The following CHST15 variants were observed in gnomAD, a reference collection of about 807,000 sequenced individuals.
The protein encoded by CHST15 is B cell RAG associated protein (GALNAC4S-6ST).
A neutral mutation model predicts 53.6 loss-of-function variants in CHST15; 30 were observed. That is an observed-to-expected ratio of 0.56 (90% CI 0.42 to 0.76). The LOEUF (loss-of-function observed/expected upper bound fraction) is 0.76, where lower values mean the gene tolerates loss of function less well. Ranked by LOEUF, CHST15 falls within the 30% of genes least tolerant of loss-of-function variation. The pLI is 0.00. For missense variants in CHST15, 627 were observed against 740.5 expected (o/e 0.85, Z 1.78); for synonymous variants, 296 against 289.8 (o/e 1.02, Z -0.22).
intron 1 of CHST15, among the ~76,000 whole-genome samples, chr10:124,053,234 T>C (rs1470528693): frequency 2.0e-5 from 3 of 152,216 alleles, no homozygotes. Context: ...GAGTGACGTA[T>C]TTCTCCACCC....
chr10:124,058,460 G>C (rs1361073297), intron 1 of CHST15, among the ~76,000 whole-genome samples: 1 of 152,236 alleles, frequency 6.6e-6, no homozygotes, highest in African/African-American at 2.4e-5. Flanking sequence ...ATAACCCTGA[G>C]TCACAGGACT....
rs773779918 is a variant in CHST15, at chr10:124,021,239, G to T, written c.1347+17C>A. 6.2e-6 allele frequency: 9 copies of T among 1,441,678 alleles called. No homozygotes were observed. The highest frequency in any genetic ancestry group is 2.6e-5 in the South Asian group (2 of 77,422). 89.3% of individuals were successfully genotyped at this position (1,441,678 alleles called of 1,614,324 possible). On this transcript the variant is annotated intron_variant, in intron 6 of 7. Transcript: ENST00000435907. ...CCAGGGGCCAGCTCGGGGGGTACGG[G>T]GGGGGGGGGTACACACAGGCATGGC...
At chr10:124,028,289 CATT>C (rs1213004180) in intron 5 of CHST15, among the ~76,000 whole-genome samples, 8 of 152,178 alleles carry the variant, frequency 5.3e-5, no homozygotes, top group African/African-American at 1.9e-4. Context: ...CGCAATAGCT[CATT>C]AGAGTTTGAT....
chr10:124,009,183 T>C lies in CHST15; in HGVS notation c.*966A>G, dbSNP rs932738181. 3.7e-4 allele frequency: 432 copies of C among 1,173,890 alleles called. 2 individuals carry two copies. Among genetic ancestry groups the C allele is most frequent in the Non-Finnish European group, 9.0e-5 (83 of 926,916 alleles). The allele number at this position is 1,173,890 out of a possible 1,614,324, so 72.7% of individuals were successfully genotyped here. ...AAAATCCTCTGTTTCTCTGATGATC[T>C]TGTAAACCTGATGAGGGCTTGAATT... On this transcript the variant is annotated 3_prime_UTR_variant, in exon 8 of 8. Coordinates refer to ENST00000435907, the MANE Select transcript of CHST15 (RefSeq NM_001270764.2).
chr10:124,083,577 TCTC>T (rs2134228103), intron 1 of CHST15, among the ~76,000 whole-genome samples: 1 of 152,248 alleles, frequency 6.6e-6, no homozygotes, highest in Non-Finnish European at 1.5e-5. Context: ...CTTCTGTACA[TCTC>T]CTCATATCTA....
chr10:124,018,293 CGAT>C (rs1214002375), intron 6 of CHST15, among the ~76,000 whole-genome samples: 5 of 152,128 alleles, frequency 3.3e-5, no homozygotes, highest in African/African-American at 1.2e-4. Flanking sequence ...AGTCTCCTGA[CGAT>C]GTCACACATT....
chr10:124,053,294 T>C (rs1948265734), intron 1 of CHST15, among the ~76,000 whole-genome samples: 1 of 152,134 alleles, frequency 6.6e-6, no homozygotes, highest in African/African-American at 2.4e-5. Flanking sequence ...GAGGCAGAAG[T>C]GGGCTTAAAG....
At chr10:124,076,631 G>A (rs1302472504) in intron 1 of CHST15, among the ~76,000 whole-genome samples, 1 of 152,160 alleles carries the variant, frequency 6.6e-6, no homozygotes, top group African/African-American at 2.4e-5. Context: ...TGGACCCATG[G>A]TCAATCACAC....
At chr10:124,014,771 G>T (rs1946534863) in intron 6 of CHST15, among the ~76,000 whole-genome samples, 1 of 152,162 alleles carries the variant, frequency 6.6e-6, no homozygotes, top group Non-Finnish European at 1.5e-5. Context: ...GCAGGCTGGG[G>T]TGTTTTAGAG....
intron 4 of CHST15, 138 bp downstream of exon 4, chr10:124,042,163 G>T: frequency 2.8e-6 from 2 of 723,562 alleles, no homozygotes; most frequent in Non-Finnish European, 2.3e-6. Context: ...CAGCCAGGTG[G>T]AGAAGTGGAG....
At chr10:124,050,689 A>G (rs1256192255) in intron 1 of CHST15, among the ~76,000 whole-genome samples, 1 of 152,216 alleles carries the variant, frequency 6.6e-6, no homozygotes, top group Non-Finnish European at 1.5e-5. Flanking sequence ...ACCTGATTTC[A>G]GAGGGGACGT....
rs1947999807 is a variant in CHST15 at position 124,046,185 on chromosome 10, G to A, written c.28C>T (p.Gln10Ter). 1 of 1,611,196 alleles carries A rather than the reference G, an allele frequency of 6.2e-7. No homozygotes were observed. The highest frequency in any genetic ancestry group is 8.5e-7 in the Non-Finnish European group (1 of 1,178,434). MRHCINCCI[Q>*]LLPDGAHKQQ... ...TTGTGTGCGCCGTCGGGTAACAGCT[G>A]TATGCAGCAATTAATGCAGTGCCTC... Residue 10 changes from glutamine to a stop codon, truncating the protein, a stop_gained, in exon 2 of 8, where the codon CAG (glutamine) becomes TAG (stop). Transcript: ENST00000435907. LOFTEE classifies it high-confidence loss of function.
intron 5 of CHST15, among the ~76,000 whole-genome samples, chr10:124,023,032 C>A (rs1341635102): frequency 6.6e-6 from 1 of 151,940 alleles, no homozygotes; most frequent in Non-Finnish European, 1.5e-5. Context: ...GTTGGCCAGG[C>A]TGGTCCTGAA....
At chr10:124,041,597 G>A (rs1383261881) in intron 4 of CHST15, among the ~76,000 whole-genome samples, 1 of 152,008 alleles carries the variant, frequency 6.6e-6, no homozygotes, top group Non-Finnish European at 1.5e-5. Flanking sequence ...ATGTTAATTT[G>A]CTTTACTGTA....
intron 5 of CHST15, among the ~76,000 whole-genome samples, chr10:124,035,297 T>G (rs111515742): frequency 0.31 from 28,523 of 92,884 alleles, 3,346 homozygotes; most frequent in African/African-American, 0.33. Flanking sequence ...CTACCCCTGA[T>G]AGGTACCCCG....
intron 5 of CHST15, among the ~76,000 whole-genome samples, chr10:124,025,092 A>G (rs1190822974): frequency 6.6e-6 from 1 of 152,242 alleles, no homozygotes; most frequent in Non-Finnish European, 1.5e-5. Flanking sequence ...CTTTGTGGTA[A>G]TAACATTTCT....
intron 1 of CHST15, among the ~76,000 whole-genome samples, chr10:124,069,729 T>G (rs574030485): frequency 6.0e-4 from 91 of 152,322 alleles, no homozygotes; most frequent in African/African-American, 2.1e-3. Context: ...ATAGGACACC[T>G]GGGCAGAGGC....
chr10:124,008,328 C>T lies in CHST15; in HGVS notation c.*1821G>A. The stretch of plus-strand genomic sequence containing the variant: ...ACAGAACCCACTCAGAAGACGCACT[C>T]ACCCACACGTGCGCGTACACACACA... On this transcript the variant is annotated 3_prime_UTR_variant, in exon 8 of 8. Coordinates refer to ENST00000435907, the MANE Select transcript of CHST15 (RefSeq NM_001270764.2). 1 of 1,095,324 alleles carries T rather than the reference C, an allele frequency of 9.1e-7. No homozygotes were observed. Among genetic ancestry groups the T allele is most frequent in the African/African-American group, 1.6e-5 (1 of 61,390 alleles). 67.9% of individuals were successfully genotyped at this position (1,095,324 alleles called of 1,614,324 possible). A position where few individuals can be genotyped will look rare whatever the true frequency, so the allele number is the denominator to read the frequency against.
chr10:124,066,024 C>T (rs751942070), intron 1 of CHST15, among the ~76,000 whole-genome samples: 19 of 149,370 alleles, frequency 1.3e-4, no homozygotes, highest in Admixed American at 3.4e-4. Flanking sequence ...ACTAAAAACC[C>T]GAATTCTTCT....
Sources: allele counts gnomAD v4.1 joint callset (sites outside exome capture counted in the v4.1 genomes callset), GRCh38; gene constraint gnomAD v4.1.1; transcripts MANE v1.5; gene names NCBI Gene and HGNC (gene_info 2026-07-23, HGNC 2026-07-21).